Variants in ATP2C1 observed in about 807,000 individuals in gnomAD.
ATP2C1 encodes ATPase secretory pathway Ca2+ transporting 1.
A neutral mutation model predicts 120.5 loss-of-function variants in ATP2C1; 31 were observed. The ratio of observed to expected loss-of-function variants is 0.26; its 90% CI spans 0.19 to 0.35. The LOEUF (loss-of-function observed/expected upper bound fraction) is 0.35, where lower values mean the gene tolerates loss of function less well. Among genes scored for constraint, ATP2C1 ranks in the 10% least tolerant of loss-of-function variants. The pLI is 1.00. For missense variants in ATP2C1, 731 were observed against 1,107.5 expected (o/e 0.66, Z 4.83); for synonymous variants, 351 against 358.7 (o/e 0.98, Z 0.24).
intron 2 of ATP2C1, among the ~76,000 whole-genome samples, chr3:130,925,577 C>G (rs530938662): frequency 6.6e-5 from 10 of 152,166 alleles, no homozygotes; most frequent in Non-Finnish European, 1.3e-4. Context: ...TTGGCACTTT[C>G]AAGAGCATAT....
chr3:130,895,491 C>G (rs1032172435), intron 2 of ATP2C1, among the ~76,000 whole-genome samples: 1 of 152,164 alleles, frequency 6.6e-6, no homozygotes, highest in Non-Finnish European at 1.5e-5. Flanking sequence ...TGTTGAACAA[C>G]TGTGAATAAG....
At chr3:130,936,816 CAAAAAAA>C (rs34156218) in intron 5 of ATP2C1, among the ~76,000 whole-genome samples, 2 of 77,958 alleles carry the variant, frequency 2.6e-5, no homozygotes, top group African/African-American at 1.4e-4. Flanking sequence ...GACTCTGTCT[CAAAAAAA>C]AAAAAAAAAA....
At position 130,934,716 on chromosome 3, in the gene ATP2C1, GA is replaced by G. The variant is rs760999494; in HGVS notation, c.324+12del. Reference sequence around the variant, plus strand: ...GATGCCGTCAGTATCACTGTGGTAAGAAAAAAATTACATATTTTTAATCTGT... The same window carrying G: ...GATGCCGTCAGTATCACTGTGGTAAGAAAAAATTACATATTTTTAATCTGT... On this transcript the variant is annotated splice_donor_region_variant and intron_variant, in intron 5 of 27. Transcript: ENST00000510168. 5.7e-6 allele frequency: 9 copies of G among 1,583,584 alleles called. No homozygotes were observed. Among genetic ancestry groups the G allele is most frequent in the Non-Finnish European group, 7.8e-6 (9 of 1,152,782 alleles).
intron 9 of ATP2C1, among the ~76,000 whole-genome samples, chr3:130,954,453 A>G (rs1435537317): frequency 6.6e-6 from 1 of 152,178 alleles, no homozygotes; most frequent in Admixed American, 6.5e-5. Context: ...AGAAATACTA[A>G]TATAGGCAAA....
intron 2 of ATP2C1, chr3:130,930,174 A>G (rs1432874390): frequency 1.4e-5 from 7 of 487,990 alleles, no homozygotes; most frequent in South Asian, 2.0e-5. Context: ...TTTTCATTCA[A>G]TGTGAAAATT....
intron 12 of ATP2C1, among the ~76,000 whole-genome samples, chr3:130,961,615 T>C (rs2060823746): frequency 6.6e-6 from 1 of 152,098 alleles, no homozygotes; most frequent in Non-Finnish European, 1.5e-5. Flanking sequence ...CACTATTCTC[T>C]TATTCTTTAG....
At chr3:130,900,724 A>C (rs1576634698) in intron 2 of ATP2C1, among the ~76,000 whole-genome samples, 1 of 152,174 alleles carries the variant, frequency 6.6e-6, no homozygotes, top group African/African-American at 2.4e-5. Context: ...TTAGTACATA[A>C]ACGTTCTGTT....
intron 4 of ATP2C1, among the ~76,000 whole-genome samples, chr3:130,933,552 A>G (rs904269169): frequency 1.3e-5 from 2 of 152,208 alleles, no homozygotes; most frequent in African/African-American, 2.4e-5. Context: ...ATTCAAACCT[A>G]GGTACTCTGA....
At chr3:130,999,688 T>C (rs562071422) in intron 27 of ATP2C1, 29 bp downstream of exon 27, 34 of 1,584,378 alleles carry the variant, frequency 2.1e-5, no homozygotes, top group African/African-American at 1.2e-4. Context: ...TTATCATTTA[T>C]GTATTTTAGA....
At chr3:130,880,242 A>G (rs1005207735) in intron 1 of ATP2C1, among the ~76,000 whole-genome samples, 4 of 152,140 alleles carry the variant, frequency 2.6e-5, no homozygotes, top group African/African-American at 9.7e-5. Flanking sequence ...TAAAATACCA[A>G]TATTTCTAGT....
intron 8 of ATP2C1, among the ~76,000 whole-genome samples, chr3:130,948,710 AT>A (rs1200419589): frequency 6.6e-6 from 1 of 152,158 alleles, no homozygotes; most frequent in Non-Finnish European, 1.5e-5. Context: ...ATTTAAAAAA[AT>A]ATATTAATAG....
chr3:130,894,166 C>CCCAAA lies in ATP2C1; in HGVS notation c.-352_-351insCCAAA. The CCCAAA allele has an allele frequency of 3.5e-6, 3 of 863,300 alleles. No individual in the cohort carries two copies. Among genetic ancestry groups the CCCAAA allele is most frequent in the Non-Finnish European group, 4.2e-6 (3 of 718,548 alleles). 53.5% of individuals were successfully genotyped at this position (863,300 alleles called of 1,614,324 possible). A position where few individuals can be genotyped will look rare whatever the true frequency, so the allele number is the denominator to read the frequency against. Reference sequence around the variant, plus strand: ...CTCTTCTCTCCCCTCCCCGCCCGCCCTCTCTCCCTCCCTTCCTCCCTCCCG... The same window carrying CCCAAA: ...CTCTTCTCTCCCCTCCCCGCCCGCCCCCAAATCTCTCCCTCCCTTCCTCCCTCCCG... On this transcript the variant is annotated 5_prime_UTR_variant, in exon 1 of 28. Transcript: ENST00000510168. The surrounding 1 kb of genome is among the most constrained non-coding windows in gnomAD (Gnocchi z 4.5).
At chr3:130,860,606 G>C (rs2067984593) in intron 1 of ATP2C1, among the ~76,000 whole-genome samples, 1 of 152,192 alleles carries the variant, frequency 6.6e-6, no homozygotes, top group Non-Finnish European at 1.5e-5. Context: ...GTTTCAAGAG[G>C]TAAAGTAACT....
At chr3:130,923,491 A>G (rs1158425918) in intron 2 of ATP2C1, among the ~76,000 whole-genome samples, 6 of 152,092 alleles carry the variant, frequency 3.9e-5, no homozygotes, top group African/African-American at 1.2e-4. Context: ...TGCTGGGGTT[A>G]CAGGCGTGAG....
intron 1 of ATP2C1, among the ~76,000 whole-genome samples, chr3:130,870,012 G>A (rs2068378629): frequency 6.6e-6 from 1 of 152,178 alleles, no homozygotes; most frequent in Non-Finnish European, 1.5e-5. Context: ...TTAAGTTGAA[G>A]CCAATGATGA....
In ATP2C1 at chr3:130,894,401, G is replaced by A; in HGVS notation, c.-181+64G>A. ...ACTTCCAGGTTCTGAAGGAAGGGGA[G>A]GTTCGGGTATCCCCTGGATGGGGGG... On this transcript the variant is annotated intron_variant, in intron 1 of 27. Coordinates refer to ENST00000510168, the MANE Select transcript of ATP2C1 (RefSeq NM_001378687.1). This position sits in a 1 kb window ranked among gnomAD's most constrained non-coding sequence, Gnocchi z 4.5. 1 of 1,179,222 alleles carries A rather than the reference G, an allele frequency of 8.5e-7. No homozygotes were observed. The highest frequency in any genetic ancestry group is 2.1e-5 in the South Asian group (1 of 48,268). 73.0% of individuals were successfully genotyped at this position (1,179,222 alleles called of 1,614,324 possible).
At chr3:130,959,072 G>C (rs548384120) in intron 11 of ATP2C1, among the ~76,000 whole-genome samples, 3 of 152,102 alleles carry the variant, frequency 2.0e-5, no homozygotes, top group Admixed American at 2.0e-4. Flanking sequence ...ACACATGTAC[G>C]TATGTGAGTA....
chr3:131,014,113 C>A (rs1192853173), intron 26 of ATP2C1: 2 of 1,610,050 alleles, frequency 1.2e-6, no homozygotes, highest in East Asian at 4.5e-5. Flanking sequence ...ATTAACAACC[C>A]AAACCGGTTG....
chr3:130,980,008 A>C (rs1005301388), intron 19 of ATP2C1, among the ~76,000 whole-genome samples: 6 of 152,180 alleles, frequency 3.9e-5, no homozygotes, highest in African/African-American at 1.2e-4. Flanking sequence ...CAGGAGTTTC[A>C]AACTATATAT....
Sources: gnomAD v4.1 joint callset for allele counts (sites outside exome capture counted in the v4.1 genomes callset) on GRCh38, gnomAD v4.1.1 for gene constraint, Gnocchi (gnomAD v3.1) non-coding constraint, MANE v1.5 for transcripts, NCBI Gene and HGNC (gene_info 2026-07-23, HGNC 2026-07-21) for gene names.